The following SSBP2 variants were observed in gnomAD, a reference collection of about 807,000 sequenced individuals.
SSBP2 encodes single-stranded DNA-binding protein 2.
SSBP2 carries 17 observed loss-of-function variants against 61.8 expected under a neutral mutation model. The observed-to-expected ratio is 0.28, with a 90% CI of 0.19 to 0.41. The LOEUF is 0.41. Ranked by LOEUF, SSBP2 falls within the 10% of genes least tolerant of loss-of-function variation. The probability of loss-of-function intolerance (pLI) is 1.00; values close to 1 mark genes in which losing one functional copy is unlikely to be tolerated. For missense variants in SSBP2, 310 were observed against 458.7 expected (o/e 0.68, Z 2.96); for synonymous variants, 139 against 141.3 (o/e 0.98, Z 0.12).
chr5:81,561,876 T>TA (rs1773066088), intron 4 of SSBP2, among the ~76,000 whole-genome samples: 1 of 152,180 alleles, frequency 6.6e-6, no homozygotes, highest in East Asian at 1.9e-4. Flanking sequence ...AAGGCAGCCT[T>TA]AAACATGATT....
chr5:81,631,646 A>T (rs1747736969), intron 3 of SSBP2, among the ~76,000 whole-genome samples: 1 of 151,996 alleles, frequency 6.6e-6, no homozygotes, highest in Non-Finnish European at 1.5e-5. Flanking sequence ...GTGTGCGCCT[A>T]CTCAGTTCTT....
At chr5:81,727,791 AT>A (rs751749277) in intron 1 of SSBP2, among the ~76,000 whole-genome samples, 1 of 152,254 alleles carries the variant, frequency 6.6e-6, no homozygotes, top group Non-Finnish European at 1.5e-5. Flanking sequence ...AAAAGAAAAC[AT>A]GGTAAACATG....
At chr5:81,430,089 A>G (rs1050350424) in intron 15 of SSBP2, among the ~76,000 whole-genome samples, 6 of 152,210 alleles carry the variant, frequency 3.9e-5, no homozygotes, top group Non-Finnish European at 8.8e-5. Context: ...GAAAAAAATT[A>G]AGTAAAATTT....
rs1215549696 is a variant in SSBP2 at position 81,513,711 on chromosome 5, C to T, written c.289G>A (p.Ala97Thr). ...CCTAGCACTGGACTGGGAGCTGCTG[C>T]AGCACTCTGCAAAGAATAAAGGAGA... The change falls in exon 5 of 17, where the codon GCA (alanine) becomes ACA (threonine). Residue 97 changes from alanine to threonine, a missense_variant. Physicochemically the swap from Ala to Thr is moderately conservative, Grantham distance 58. Around this residue, in one of 4 missense-constraint regions of SSBP2, gnomAD observed 209 missense variants for 286.4 expected, o/e 0.73. Transcript: ENST00000320672. 1 of 1,609,932 alleles carries T rather than the reference C, an allele frequency of 6.2e-7. No homozygotes were observed. The highest frequency in any genetic ancestry group is 8.5e-7 in the Non-Finnish European group (1 of 1,176,848).
At chr5:81,701,858 T>C (rs1271623581) in intron 1 of SSBP2, among the ~76,000 whole-genome samples, 2 of 152,232 alleles carry the variant, frequency 1.3e-5, no homozygotes, top group African/African-American at 4.8e-5. Flanking sequence ...GTATGCACCA[T>C]ACCATAAACC....
intron 1 of SSBP2, among the ~76,000 whole-genome samples, chr5:81,681,836 C>CA (rs1005422432): frequency 4.6e-5 from 7 of 151,754 alleles, no homozygotes; most frequent in South Asian, 4.2e-4. Flanking sequence ...AGCTAACTGA[C>CA]AAAAAAAGAG....
intron 15 of SSBP2, among the ~76,000 whole-genome samples, chr5:81,433,208 T>C (rs572107205): frequency 1.1e-3 from 174 of 152,072 alleles, no homozygotes; most frequent in Middle Eastern, 3.4e-3. Flanking sequence ...GGATGGTTGC[T>C]GTGTCTGTGT....
At chr5:81,504,309 C>T (rs1401416945) in intron 5 of SSBP2, among the ~76,000 whole-genome samples, 1 of 152,126 alleles carries the variant, frequency 6.6e-6, no homozygotes, top group Admixed American at 6.6e-5. Flanking sequence ...CATGTGCAGC[C>T]AGAATGATGC....
At chr5:81,547,408 G>A (rs1236507638) in intron 4 of SSBP2, among the ~76,000 whole-genome samples, 2 of 152,052 alleles carry the variant, frequency 1.3e-5, no homozygotes, top group African/African-American at 4.8e-5. Flanking sequence ...TCCAGACAAC[G>A]GAATATTATT....
At chr5:81,661,510 TTC>T (rs968520511) in intron 1 of SSBP2, among the ~76,000 whole-genome samples, 2 of 117,218 alleles carry the variant, frequency 1.7e-5, no homozygotes, top group Admixed American at 1.5e-4. Flanking sequence ...TCAATAACAC[TTC>T]TCTCTTTTTT....
At chr5:81,474,072 C>G (rs147044471) in intron 7 of SSBP2, among the ~76,000 whole-genome samples, 5 of 152,286 alleles carry the variant, frequency 3.3e-5, no homozygotes, top group Admixed American at 3.3e-4. Context: ...CTAAGTATCT[C>G]TGGAGGGATT....
chr5:81,643,329 T>A (rs936032070), intron 2 of SSBP2, among the ~76,000 whole-genome samples: 3 of 152,150 alleles, frequency 2.0e-5, no homozygotes, highest in African/African-American at 4.8e-5. Flanking sequence ...TACCCATAAA[T>A]CCTTTCATAA....
chr5:81,719,618 G>T (rs1755410441), intron 1 of SSBP2, among the ~76,000 whole-genome samples: 1 of 152,130 alleles, frequency 6.6e-6, no homozygotes, highest in South Asian at 2.1e-4. Context: ...AAAATGACAG[G>T]CACAGAGACA....
chr5:81,474,688 T>G (rs1765470988), intron 6 of SSBP2, 126 bp from the exon 7 acceptor site: 1 of 654,012 alleles, frequency 1.5e-6, no homozygotes, highest in Admixed American at 3.5e-5. Context: ...TCTCAAGATT[T>G]CTTATATTTC....
intron 1 of SSBP2, among the ~76,000 whole-genome samples, chr5:81,740,364 G>A (rs571416867): frequency 2.2e-4 from 33 of 149,544 alleles, no homozygotes; most frequent in Non-Finnish European, 3.8e-4. Context: ...GATAGCTAGC[G>A]CTTAAATATA....
At chr5:81,629,671 A>G (rs1462819736) in intron 3 of SSBP2, among the ~76,000 whole-genome samples, 1 of 152,188 alleles carries the variant, frequency 6.6e-6, no homozygotes, top group Non-Finnish European at 1.5e-5. Flanking sequence ...TAACCAGTAC[A>G]TATTTCTTTT....
intron 1 of SSBP2, among the ~76,000 whole-genome samples, chr5:81,723,453 T>C (rs1581422394): frequency 6.6e-6 from 1 of 151,986 alleles, no homozygotes; most frequent in Non-Finnish European, 1.5e-5. Flanking sequence ...TATCTGCAGC[T>C]TGTAAGTATT....
chr5:81,541,627 A>T (rs1307543116), intron 4 of SSBP2, among the ~76,000 whole-genome samples: 1 of 152,214 alleles, frequency 6.6e-6, no homozygotes, highest in Admixed American at 6.5e-5. Flanking sequence ...GCAGACCTAC[A>T]GCCATCTGAT....
chr5:81,693,497 G>A (rs550292840), intron 1 of SSBP2, among the ~76,000 whole-genome samples: 2 of 152,204 alleles, frequency 1.3e-5, no homozygotes, highest in African/African-American at 2.4e-5. Flanking sequence ...ATCTAATAAT[G>A]TGATTATAAA....
Sources: gnomAD v4.1 joint callset for allele counts (sites outside exome capture counted in the v4.1 genomes callset) on GRCh38, gnomAD v4.1.1 for gene constraint, gnomAD v4.1.1 regional missense constraint, MANE v1.5 for transcripts, NCBI Gene and HGNC (gene_info 2026-07-23, HGNC 2026-07-21) for gene names.